The following RPS6KA2 variants were observed in gnomAD, a reference collection of about 807,000 sequenced individuals.
RPS6KA2 encodes ribosomal protein S6 kinase alpha-2.
In RPS6KA2, 42 loss-of-function variants were observed where a neutral mutation model predicts 91.8. That is an observed-to-expected ratio of 0.46 (90% CI 0.36 to 0.59). The LOEUF is 0.59. Among genes scored for constraint, RPS6KA2 ranks in the 20% least tolerant of loss-of-function variants. RPS6KA2 has a pLI of 0.00. For missense variants in RPS6KA2, 798 were observed against 978.5 expected, an observed-to-expected ratio of 0.82 and a Z score of 2.46; for synonymous variants, 414 against 393.6, an observed-to-expected ratio of 1.05 and a Z score of -0.61.
At chr6:166,634,384 A>C (rs375342499) in intron 2 of RPS6KA2, among the ~76,000 whole-genome samples, 73 of 152,200 alleles carry the variant, frequency 4.8e-4, no homozygotes, top group African/African-American at 1.7e-3. Context: ...CCTTGCGTCC[A>C]CAGGCGCCAC....
At chr6:166,577,949 C>A (rs917865392) in intron 1 of RPS6KA2, among the ~76,000 whole-genome samples, 2 of 152,164 alleles carry the variant, frequency 1.3e-5, no homozygotes, top group African/African-American at 4.8e-5. Flanking sequence ...ACATACTGTT[C>A]TCATGATAGT....
chr6:166,749,055 T>C (rs1170575384), intron 2 of RPS6KA2, among the ~76,000 whole-genome samples: 1 of 30 alleles, frequency 0.033, no homozygotes, highest in Admixed American at 0.5. Context: ...GGTCCCCCAT[T>C]TCCTCAGGCC....
At chr6:166,788,978 G>T (rs932061280) in intron 2 of RPS6KA2, among the ~76,000 whole-genome samples, 8 of 152,204 alleles carry the variant, frequency 5.3e-5, no homozygotes, top group Admixed American at 1.3e-4. Flanking sequence ...GAGGTACCAG[G>T]TTCATCTCAC....
rs758693628 is a variant in RPS6KA2, at chr6:166,858,190, G to C, written c.123+10C>G. Reference sequence around the variant, plus strand: ...AACAAAGCAGAGTGTAATAAAACGTGTATAGTTACTTCTTCTGCAGTGTCT... The same window carrying C: ...AACAAAGCAGAGTGTAATAAAACGTCTATAGTTACTTCTTCTGCAGTGTCT... On this transcript the variant is annotated intron_variant, in intron 2 of 21. Coordinates refer to the RPS6KA2 transcript ENST00000503859. The C allele has an allele frequency of 2.7e-6, 4 of 1,471,816 alleles. No individual in the cohort carries two copies. The South Asian group carries it at 3.4e-5, about 12-fold the overall frequency. The allele number at this position is 1,471,816 out of a possible 1,614,324, so 91.2% of individuals were successfully genotyped here.
At position 166,504,532 on chromosome 6, in the gene RPS6KA2, G is replaced by A. The variant is rs1782129162; in HGVS notation, c.540C>T (p.Ile180=). The A allele has an allele frequency of 1.2e-6, 2 of 1,612,470 alleles. No homozygotes were observed. Among genetic ancestry groups the A allele is most frequent in the Non-Finnish European group, 1.7e-6 (2 of 1,178,846 alleles). Reference sequence around the variant, plus strand: ...TCTCAGGCTTCAGATCTCTGTAGATGATCCCCAGGCTGTGGAGATGGTCTA... The same window carrying A: ...TCTCAGGCTTCAGATCTCTGTAGATAATCCCCAGGCTGTGGAGATGGTCTA... ...LALDHLHSLG[I]IYRDLKPENI... is the part of the protein sequence containing the mutation. Residue 180 remains isoleucine, a synonymous_variant, in exon 6 of 21, where the codon ATC becomes ATT. Transcript: ENST00000265678.
In RPS6KA2 at chr6:166,852,480, T is replaced by C. The variant is rs531704869; in HGVS notation, c.123+5720A>G. Among the ~76,000 whole-genome samples the C allele has an allele frequency of 1.3e-5, 2 of 152,318 alleles. No individual in the cohort carries two copies. The highest frequency in any genetic ancestry group is 1.3e-4 in the Admixed American group (2 of 15,304). On this transcript the variant is annotated intron_variant, in intron 2 of 21. Coordinates refer to the RPS6KA2 transcript ENST00000503859. This position sits in a 1 kb window ranked among gnomAD's most constrained non-coding sequence, Gnocchi z 4.1. ...GAATTCTGTCTGGATTGCAGAGACA[T>C]GAGAGGCAACGTGGCCGCACAGGCG...
At chr6:166,469,151 A>T (rs1287387036) in intron 11 of RPS6KA2, among the ~76,000 whole-genome samples, 1 of 152,194 alleles carries the variant, frequency 6.6e-6, no homozygotes, top group African/African-American at 2.4e-5. Flanking sequence ...CTGCTTCACC[A>T]TTCGGAGTTG....
chr6:166,660,400 G>A (rs1788131853), intron 2 of RPS6KA2, among the ~76,000 whole-genome samples: 2 of 139,838 alleles, frequency 1.4e-5, no homozygotes, highest in African/African-American at 5.3e-5. Context: ...ATGCGTGCGT[G>A]TGTGTGTGTG....
intron 2 of RPS6KA2, among the ~76,000 whole-genome samples, chr6:166,695,752 G>T (rs1789338673): frequency 1.3e-5 from 2 of 150,494 alleles, no homozygotes. Context: ...GATTCTCACA[G>T]GAGCACTGGA....
Position 166,418,273 on chromosome 6 carries a change from C to G in RPS6KA2, c.1890G>C (p.Lys630Asn). The G allele has an allele frequency of 6.2e-7, 1 of 1,614,118 alleles. No homozygotes were observed. Among genetic ancestry groups the G allele is most frequent in the Non-Finnish European group, 8.5e-7 (1 of 1,179,980 alleles). ...CCCAGTTTCCCCCAGAAAGGGCATA[C>G]TTCCCACTGCCGATCCGCGCCAGAA... is the stretch of plus-strand genomic sequence containing the variant. ...EEILARIGSG[K>N]YALSGGNWDS... Residue 630 changes from lysine (K) to asparagine (N), a missense_variant, in exon 19 of 21, where the codon AAG becomes AAC. By Grantham distance (94) the Lys-to-Asn change is moderately conservative. Coordinates refer to ENST00000265678, the MANE Select transcript of RPS6KA2 (RefSeq NM_021135.6). The surrounding 1 kb of genome is among the most constrained non-coding windows in gnomAD (Gnocchi z 4.9).
rs1020373987 is a variant in RPS6KA2 at position 166,765,335 on chromosome 6, C to T, written c.123+92865G>A. Among the ~76,000 whole-genome samples the T allele has an allele frequency of 7.2e-5, 11 of 152,170 alleles. 1 individual carries two copies. The highest frequency in any genetic ancestry group is 1.7e-4 in the African/African-American group (7 of 41,444). On this transcript the variant is annotated intron_variant, in intron 2 of 21. Coordinates refer to the RPS6KA2 transcript ENST00000503859. ...ACCGGCCCTCAAGTAGAGGATGCTC[C>T]GGGACGCGTGGTGACGACCCACGGC... is the stretch of plus-strand genomic sequence containing the variant.
intron 1 of RPS6KA2, among the ~76,000 whole-genome samples, chr6:166,604,974 G>C (rs776537201): frequency 1.4e-4 from 22 of 152,026 alleles, no homozygotes; most frequent in Non-Finnish European, 2.2e-4. Flanking sequence ...GTCTCTAATA[G>C]ACATTCCTAT....
rs1782000399 is a variant in RPS6KA2, at chr6:166,500,823, G to A, written c.604+64C>T. 1.4e-6 allele frequency: 2 copies of A among 1,457,524 alleles called. No individual in the cohort carries two copies. The highest frequency in any genetic ancestry group is 3.4e-5 in the Admixed American group (2 of 59,576). 90.3% of individuals were successfully genotyped at this position (1,457,524 alleles called of 1,614,324 possible). A position where few individuals can be genotyped will look rare whatever the true frequency, so the allele number is the denominator to read the frequency against. ...TAAATAAGAGGGCTTGGGCTTTGAG[G>A]TGGTCCCCAAAGGTACCAGGGCTGA... On this transcript the variant is annotated intron_variant, in intron 7 of 20. Coordinates refer to ENST00000265678, the MANE Select transcript of RPS6KA2 (RefSeq NM_021135.6). The surrounding 1 kb of genome is among the most constrained non-coding windows in gnomAD (Gnocchi z 4.3).
intron 2 of RPS6KA2, among the ~76,000 whole-genome samples, chr6:166,751,513 C>T (rs367891419): frequency 1.3e-5 from 2 of 152,340 alleles, no homozygotes; most frequent in African/African-American, 2.4e-5. Flanking sequence ...GGCCGGCCAG[C>T]CCAAGGCAGA....
At position 166,418,676 on chromosome 6, in the gene RPS6KA2, C is replaced by T. The variant is rs531253461; in HGVS notation, c.1821-334G>A. 6.6e-5 allele frequency among the ~76,000 whole-genome samples: 10 copies of T among 152,296 alleles called. No individual in the cohort carries two copies. The highest frequency in any genetic ancestry group is 2.0e-4 in the Admixed American group (3 of 15,308). ...TCCACGGTGATGGTGTGGCATCATGCGAGAGAGCCTGAGACGTGGAGTCTG... is the reference window on the plus strand; with the variant it reads ...TCCACGGTGATGGTGTGGCATCATGTGAGAGAGCCTGAGACGTGGAGTCTG... On this transcript the variant is annotated intron_variant, in intron 18 of 20. Coordinates refer to ENST00000265678, the MANE Select transcript of RPS6KA2 (RefSeq NM_021135.6). The surrounding 1 kb of genome is among the most constrained non-coding windows in gnomAD (Gnocchi z 4.9).
intron 3 of RPS6KA2, among the ~76,000 whole-genome samples, chr6:166,519,538 T>C (rs1485020360): frequency 1.3e-5 from 2 of 152,220 alleles, no homozygotes; most frequent in Non-Finnish European, 2.9e-5. Context: ...CTGTGCCTAC[T>C]GGTACCAGCT....
chr6:166,570,819 T>C (rs1676797337), intron 1 of RPS6KA2, among the ~76,000 whole-genome samples: 1 of 152,110 alleles, frequency 6.6e-6, no homozygotes, highest in Admixed American at 6.5e-5. Context: ...AGGGAAACAT[T>C]ACAGAGACAC....
intron 2 of RPS6KA2, among the ~76,000 whole-genome samples, chr6:166,745,153 T>C (rs1454845143): frequency 7.5e-5 from 11 of 147,370 alleles, no homozygotes; most frequent in African/African-American, 1.8e-4. Context: ...TCGGCCTTTT[T>C]TTTTTTTTTT....
chr6:166,858,513 G>A (rs1321625869), intron 1 of RPS6KA2, among the ~76,000 whole-genome samples: 6 of 152,180 alleles, frequency 3.9e-5, no homozygotes, highest in Non-Finnish European at 7.3e-5. Flanking sequence ...TAACTCAAAC[G>A]ACTAAATCAA....
Sources: gnomAD v4.1 joint callset for allele counts (sites outside exome capture counted in the v4.1 genomes callset) on GRCh38, gnomAD v4.1.1 for gene constraint, Gnocchi (gnomAD v3.1) non-coding constraint, MANE v1.5 for transcripts, NCBI Gene and HGNC (gene_info 2026-07-23, HGNC 2026-07-21) for gene names.